Variants in LMBR1 observed in about 807,000 individuals in gnomAD.
LMBR1 encodes limb region 1 protein homolog.
A neutral mutation model predicts 73.9 loss-of-function variants in LMBR1; 52 were observed. That is an observed-to-expected ratio of 0.70 (90% CI 0.56 to 0.89). The LOEUF (loss-of-function observed/expected upper bound fraction) is 0.89. Ranked by LOEUF, LMBR1 falls within the 40% of genes least tolerant of loss-of-function variation. The probability of loss-of-function intolerance (pLI) is 0.00; values close to 1 mark genes in which losing one functional copy is unlikely to be tolerated. For missense variants in LMBR1, 539 were observed against 579.8 expected (o/e 0.93, Z 0.72); for synonymous variants, 215 against 209.4 (o/e 1.03, Z -0.23).
At chr7:156,853,201 G>A (rs1156982548) in intron 1 of LMBR1, among the ~76,000 whole-genome samples, 1 of 152,068 alleles carries the variant, frequency 6.6e-6, no homozygotes, top group Non-Finnish European at 1.5e-5. Flanking sequence ...GCCTCCCAAA[G>A]TGCTGGAATT....
At chr7:156,723,010 G>A (rs1202618442) in intron 15 of LMBR1, among the ~76,000 whole-genome samples, 1 of 152,012 alleles carries the variant, frequency 6.6e-6, no homozygotes, top group Non-Finnish European at 1.5e-5. Context: ...TTGCTAAAGA[G>A]CATACTTTTG....
At chr7:156,853,523 A>G (rs1035019096) in intron 1 of LMBR1, among the ~76,000 whole-genome samples, 4 of 152,264 alleles carry the variant, frequency 2.6e-5, no homozygotes, top group Admixed American at 6.5e-5. Context: ...AAAGTAAAAT[A>G]GAACCACTTT....
intron 4 of LMBR1, among the ~76,000 whole-genome samples, chr7:156,812,787 G>A (rs1374721718): frequency 6.6e-6 from 1 of 152,172 alleles, no homozygotes; most frequent in Admixed American, 6.5e-5. Context: ...ATGATTCTCT[G>A]TGCAGCAATC....
At chr7:156,694,847 A>ACTC (rs1807955122) in intron 15 of LMBR1, among the ~76,000 whole-genome samples, 1 of 152,250 alleles carries the variant, frequency 6.6e-6, no homozygotes, top group Non-Finnish European at 1.5e-5. Context: ...GTCATAATAA[A>ACTC]CTCGACAACT....
chr7:156,869,568 C>T (rs997871325), intron 1 of LMBR1, among the ~76,000 whole-genome samples: 6 of 151,596 alleles, frequency 4.0e-5, no homozygotes, highest in African/African-American at 1.5e-4. Context: ...TCAGCAAAAC[C>T]CAAAGGTAGA....
chr7:156,850,824 T>C (rs1332361891), intron 1 of LMBR1, among the ~76,000 whole-genome samples: 1 of 152,206 alleles, frequency 6.6e-6, no homozygotes, highest in Non-Finnish European at 1.5e-5. Flanking sequence ...CCCCTCAGAA[T>C]TTCATGTTGA....
At chr7:156,761,795 T>C (rs1338216981) in intron 8 of LMBR1, among the ~76,000 whole-genome samples, 3 of 151,782 alleles carry the variant, frequency 2.0e-5, no homozygotes, top group Non-Finnish European at 4.4e-5. Context: ...CCTAACACAG[T>C]GAAACCCCGT....
chr7:156,782,135 T>C (rs1483140151), intron 5 of LMBR1, among the ~76,000 whole-genome samples: 1 of 152,252 alleles, frequency 6.6e-6, no homozygotes. Flanking sequence ...ATCCACGTTG[T>C]AGCATGTGTC....
chr7:156,851,130 T>C (rs545746134), intron 1 of LMBR1, among the ~76,000 whole-genome samples: 1 of 152,358 alleles, frequency 6.6e-6, no homozygotes, highest in African/African-American at 2.4e-5. Context: ...CCTGCAGAAC[T>C]GTGTGCCAAA....
chr7:156,807,464 T>C (rs11972105), intron 4 of LMBR1, among the ~76,000 whole-genome samples: 2,354 of 152,362 alleles, frequency 0.015, 52 homozygotes, highest in African/African-American at 0.053. Context: ...TTGAATTTGT[T>C]GGATAAAGGT....
chr7:156,748,820 C>A (rs568991754), intron 9 of LMBR1, among the ~76,000 whole-genome samples: 26 of 152,096 alleles, frequency 1.7e-4, no homozygotes, highest in South Asian at 4.2e-4. Context: ...ATAACTCTCT[C>A]TATATATATA....
chr7:156,891,140 G>A (rs1802829315), intron 1 of LMBR1, among the ~76,000 whole-genome samples: 1 of 137,350 alleles, frequency 7.3e-6, no homozygotes. Flanking sequence ...GCAGTGAGCC[G>A]AGATTGTGCC....
chr7:156,836,767 C>A, intron 2 of LMBR1, 46 bp downstream of exon 2: 1 of 1,230,578 alleles, frequency 8.1e-7, no homozygotes, highest in South Asian at 1.3e-5. Flanking sequence ...ATGCCTAGAC[C>A]ATGTGGCATT....
intron 4 of LMBR1, among the ~76,000 whole-genome samples, chr7:156,820,284 T>C (rs1310951119): frequency 6.6e-6 from 1 of 152,180 alleles, no homozygotes; most frequent in Non-Finnish European, 1.5e-5. Context: ...TAAAGACCAC[T>C]AGAAGCAGTT....
chr7:156,824,924 C>T (rs992245833), intron 4 of LMBR1, among the ~76,000 whole-genome samples: 2 of 151,916 alleles, frequency 1.3e-5, no homozygotes, highest in African/African-American at 4.8e-5. Flanking sequence ...AACTGTAACG[C>T]TACCACACAG....
intron 4 of LMBR1, among the ~76,000 whole-genome samples, chr7:156,799,185 G>C (rs1830530687): frequency 6.6e-6 from 1 of 150,402 alleles, no homozygotes; most frequent in African/African-American, 2.5e-5. Context: ...CTGGGCAACA[G>C]AGCGAGACTC....
At chr7:156,817,642 A>G (rs553805630) in intron 4 of LMBR1, among the ~76,000 whole-genome samples, 20 of 152,324 alleles carry the variant, frequency 1.3e-4, no homozygotes, top group Middle Eastern at 3.4e-3. Flanking sequence ...TTATCTTCAC[A>G]TAACTTTTTT....
chr7:156,804,855 ATT>A (rs1014727966), intron 4 of LMBR1, among the ~76,000 whole-genome samples: 2 of 152,058 alleles, frequency 1.3e-5, no homozygotes, highest in South Asian at 2.1e-4. Flanking sequence ...CAATTTATCC[ATT>A]TTTTTCTTTT....
intron 5 of LMBR1, among the ~76,000 whole-genome samples, chr7:156,789,117 A>G (rs1585800163): frequency 6.6e-6 from 1 of 152,314 alleles, no homozygotes; most frequent in Non-Finnish European, 1.5e-5. Context: ...TGTGCTACGA[A>G]TAGAATAAAT....
Sources: gnomAD v4.1 joint callset for allele counts (sites outside exome capture counted in the v4.1 genomes callset) on GRCh38, gnomAD v4.1.1 for gene constraint, MANE v1.5 for transcripts, NCBI Gene and HGNC (gene_info 2026-07-23, HGNC 2026-07-21) for gene names.